Variants in DNAH7 observed in about 807,000 individuals in gnomAD.
DNAH7 encodes axonemal beta dynein heavy chain 7.
DNAH7 carries 397 observed loss-of-function variants against 444.6 expected under a neutral mutation model. The observed-to-expected ratio is 0.89, with a 90% CI of 0.82 to 0.97. The LOEUF is 0.97. Ranked by LOEUF, DNAH7 falls within the 50% of genes least tolerant of loss-of-function variation. The pLI, the probability that DNAH7 is intolerant of heterozygous loss-of-function variation, is 0.00. For missense variants in DNAH7, 4,902 were observed against 4,800.8 expected (o/e 1.02, Z -0.62); for synonymous variants, 1,636 against 1,624.4 (o/e 1.01, Z -0.17).
At chr2:195,804,921 A>C (rs377019096) in intron 54 of DNAH7, among the ~76,000 whole-genome samples, 41 of 152,328 alleles carry the variant, frequency 2.7e-4, no homozygotes, top group African/African-American at 9.6e-4. Flanking sequence ...AGAGGGCTAA[A>C]GTACTAGGCA....
intron 46 of DNAH7, among the ~76,000 whole-genome samples, chr2:195,849,533 A>T (rs1375247057): frequency 6.6e-6 from 1 of 152,108 alleles, no homozygotes; most frequent in African/African-American, 2.4e-5. Flanking sequence ...CGTAGGGAGG[A>T]GGGACAGATA....
intron 5 of DNAH7, among the ~76,000 whole-genome samples, chr2:196,044,566 C>A (rs937629357): frequency 6.6e-6 from 1 of 152,076 alleles, no homozygotes; most frequent in Non-Finnish European, 1.5e-5. Context: ...TAACCAAACA[C>A]CACCTGTTTC....
chr2:195,782,082 TCC>T (rs1458176649), intron 58 of DNAH7, among the ~76,000 whole-genome samples: 5 of 151,870 alleles, frequency 3.3e-5, no homozygotes, highest in Non-Finnish European at 5.9e-5. Context: ...ATAATATATA[TCC>T]ACCTAAATTT....
At chr2:195,870,985 C>T (rs1341072219) in intron 40 of DNAH7, among the ~76,000 whole-genome samples, 4 of 152,154 alleles carry the variant, frequency 2.6e-5, no homozygotes, top group Non-Finnish European at 4.4e-5. Flanking sequence ...ATGTGGCCCC[C>T]AAACACAAGC....
intron 4 of DNAH7, 122 bp downstream of exon 4, chr2:196,048,174 T>G: frequency 1.3e-6 from 1 of 777,744 alleles, no homozygotes; most frequent in Non-Finnish European, 1.9e-6. Context: ...TGGGAAAATT[T>G]TTTTCTACTT....
intron 18 of DNAH7, among the ~76,000 whole-genome samples, chr2:195,959,311 G>T (rs1690916757): frequency 6.6e-6 from 1 of 151,560 alleles, no homozygotes; most frequent in Non-Finnish European, 1.5e-5. Flanking sequence ...GAATGCTTCT[G>T]CTTTCTTCTG....
At chr2:195,883,458 C>A (rs1054235828) in intron 35 of DNAH7, among the ~76,000 whole-genome samples, 9 of 148,900 alleles carry the variant, frequency 6.0e-5, no homozygotes, top group South Asian at 2.1e-4. Flanking sequence ...CGCTCCCCCC[C>A]CCCAAAAAAA....
chr2:195,812,671 T>C (rs1184261345), intron 51 of DNAH7, among the ~76,000 whole-genome samples: 1 of 152,150 alleles, frequency 6.6e-6, no homozygotes, highest in Non-Finnish European at 1.5e-5. Flanking sequence ...CAAACAAGAA[T>C]GAAATACATT....
chr2:195,845,434 A>G (rs1359689941), intron 46 of DNAH7, among the ~76,000 whole-genome samples: 1 of 152,206 alleles, frequency 6.6e-6, no homozygotes, highest in African/African-American at 2.4e-5. Flanking sequence ...ATAATTACCA[A>G]TTGTTATTAT....
At chr2:195,971,665 A>AC (rs1230343467) in intron 16 of DNAH7, among the ~76,000 whole-genome samples, 1 of 152,130 alleles carries the variant, frequency 6.6e-6, no homozygotes, top group African/African-American at 2.4e-5. Flanking sequence ...CTAGAAGTTG[A>AC]CAGGGTTACT....
At position 195,988,919 on chromosome 2, in the gene DNAH7, A is replaced by AT. The variant is rs541934775; in HGVS notation, c.1354-691dup. ...AGATCAACTTTTTCAGATTCAACATATAAGTGAGATCATTCAGTATTTGTC... is the reference window on the plus strand; with the variant it reads ...AGATCAACTTTTTCAGATTCAACATATTAAGTGAGATCATTCAGTATTTGTC... On this transcript the variant is annotated intron_variant, in intron 12 of 64. Coordinates refer to ENST00000312428, the MANE Select transcript of DNAH7 (RefSeq NM_018897.3). Among the ~76,000 whole-genome samples the AT allele has an allele frequency of 5.3e-4, 81 of 152,270 alleles. 2 individuals are homozygous for AT. The highest frequency in any genetic ancestry group is 3.5e-3 in the Admixed American group (54 of 15,282).
intron 1 of DNAH7, chr2:196,068,278 G>C (rs1698538600): frequency 9.0e-6 from 2 of 222,210 alleles, no homozygotes; most frequent in Admixed American, 1.2e-4. Context: ...CATAAGAGGT[G>C]GGAGAACTAA....
chr2:195,912,657 C>G (rs992302338), intron 24 of DNAH7, among the ~76,000 whole-genome samples: 1 of 152,160 alleles, frequency 6.6e-6, no homozygotes, highest in African/African-American at 2.4e-5. Context: ...CATAAACATC[C>G]CTTGGAAGAT....
chr2:195,756,277 T>C lies in DNAH7; in HGVS notation c.11442A>G (p.Ala3814=), dbSNP rs1163988571. Residue 3814 remains alanine, a synonymous_variant, in exon 62 of 65, where the codon GCA becomes GCG. Transcript: ENST00000312428. ...VNIQKAIKGL[A]VMSTDLEEVV... ...CTTCTTCAAGATCTGTAGACATGAC[T>C]GCAAGCCCCTGAAACACATTTAACC... The C allele has an allele frequency of 1.2e-6, 2 of 1,608,446 alleles. No homozygotes were observed. The highest frequency in any genetic ancestry group is 8.5e-7 in the Non-Finnish European group (1 of 1,176,762).
chr2:195,948,533 A>G (rs567279412), intron 19 of DNAH7, among the ~76,000 whole-genome samples: 5 of 152,280 alleles, frequency 3.3e-5, no homozygotes, highest in African/African-American at 1.2e-4. Context: ...TCCCAACACC[A>G]TTTATTAAAT....
At chr2:195,800,626 A>T (rs1055826365) in intron 54 of DNAH7, among the ~76,000 whole-genome samples, 12 of 152,334 alleles carry the variant, frequency 7.9e-5, no homozygotes, top group African/African-American at 2.9e-4. Context: ...TGCTTCTGAT[A>T]AAGTCAAGCA....
In DNAH7 at chr2:195,881,947, G is replaced by A; in HGVS notation, c.5809C>T (p.Pro1937Ser). 6.2e-7 allele frequency: 1 copy of A among 1,613,880 alleles called. No homozygotes were observed. Among genetic ancestry groups the A allele is most frequent in the Non-Finnish European group, 8.5e-7 (1 of 1,179,894 alleles). Residue 1937 changes from proline (P) to serine (S), a missense_variant, in exon 36 of 65, where the codon CCT (proline) becomes TCT (serine). Pro to Ser is a moderately conservative substitution (Grantham distance 74). Transcript: ENST00000312428. ...EPWIKKLKEA[P>S]PIPKDVMFNE... is the part of the protein sequence containing the mutation. Reference sequence around the variant, plus strand: ...AACATTACATCTTTAGGAATTGGAGGAGCTTCTTTCAATTTCTTTATCCAT... The same window carrying A: ...AACATTACATCTTTAGGAATTGGAGAAGCTTCTTTCAATTTCTTTATCCAT...
chr2:195,960,491 C>T lies in DNAH7; in HGVS notation c.2660G>A (p.Arg887Gln), dbSNP rs780057760. 10 of 1,613,998 alleles carry T rather than the reference C, an allele frequency of 6.2e-6. No homozygotes were observed. Among genetic ancestry groups the T allele is most frequent in the Admixed American group, 5.0e-5 (3 of 59,982 alleles). ...AGCTGCTTCACTAATACCTTCAAAT[C>T]GGTCTATATATGGTTCCAGATTCAT... ...LDMNLEPYID[R>Q]FEGISEAASK... Residue 887 changes from arginine (R) to glutamine (Q), a missense_variant, in exon 18 of 65, where the codon CGA becomes CAA. Physicochemically the swap from Arg to Gln is conservative, Grantham distance 43 (BLOSUM62 1). Coordinates refer to ENST00000312428, the MANE Select transcript of DNAH7 (RefSeq NM_018897.3).
chr2:196,064,181 G>T (rs1698288679), intron 1 of DNAH7, among the ~76,000 whole-genome samples: 1 of 151,936 alleles, frequency 6.6e-6, no homozygotes, highest in Non-Finnish European at 1.5e-5. Context: ...TGGGCGTAGT[G>T]GCGGGTGCCT....
Sources: allele counts gnomAD v4.1 joint callset (sites outside exome capture counted in the v4.1 genomes callset), GRCh38; gene constraint gnomAD v4.1.1; transcripts MANE v1.5; gene names NCBI Gene and HGNC (gene_info 2026-07-23, HGNC 2026-07-21).